Variants in MARVELD3 observed in about 807,000 individuals in gnomAD.
MARVELD3 encodes MARVEL domain containing 3, also known as MARVEL domain-containing protein 3.
Under a neutral mutation model 33.5 loss-of-function variants are expected in MARVELD3, and 28 were observed. The observed-to-expected ratio is 0.84, with a 90% CI of 0.62 to 1.15. The LOEUF is 1.15. MARVELD3 is among the 50% of genes most tolerant of loss of function. MARVELD3 has a pLI of 0.00. For missense variants in MARVELD3, 582 were observed against 547.6 expected, an observed-to-expected ratio of 1.06 and a Z score of -0.63; for synonymous variants, 241 against 230.4, an observed-to-expected ratio of 1.05 and a Z score of -0.42.
intron 2 of MARVELD3, among the ~76,000 whole-genome samples, chr16:71,631,890 C>T (rs530677619): frequency 1.3e-5 from 2 of 152,282 alleles, no homozygotes; most frequent in African/African-American, 2.4e-5. Context: ...TTCATTTAGA[C>T]AATGTGTAGC....
At chr16:71,640,494 G>A (rs201509244), downstream of MARVELD3, 77 of 1,614,140 alleles carry the variant, frequency 4.8e-5, no homozygotes, top group Admixed American at 4.0e-4. Context: ...TTCCAGCGGC[G>A]GTGGCTTTGG....
In MARVELD3 at chr16:71,626,706, G is replaced by C. The variant is rs1407141860; in HGVS notation, c.467+10G>C. ...GCCGCAGACCCGAAAGGTGAGAGGG[G>C]CCGGGGCGCTGCGACCTCCGCGCCG... On this transcript the variant is annotated intron_variant, in intron 1 of 2. Transcript: ENST00000268485. The surrounding 1 kb of genome is among the most constrained non-coding windows in gnomAD (Gnocchi z 5.3). 3 of 1,443,800 alleles carry C rather than the reference G, an allele frequency of 2.1e-6. No homozygotes were observed. Among genetic ancestry groups the C allele is most frequent in the Non-Finnish European group, 2.7e-6 (3 of 1,106,250 alleles). The allele number at this position is 1,443,800 out of a possible 1,614,324, so 89.4% of individuals were successfully genotyped here. A position where few individuals can be genotyped will look rare whatever the true frequency, so the allele number is the denominator to read the frequency against.
chr16:71,639,309 G>C (rs1230613615), downstream of MARVELD3: 1 of 151,878 alleles, frequency 6.6e-6, no homozygotes, highest in Non-Finnish European at 1.5e-5. Context: ...GACCTCAGGT[G>C]ATCTGCCCGC....
chr16:71,635,791 C>T lies in MARVELD3; in HGVS notation c.*988C>T, dbSNP rs979858958. 9.5e-5 allele frequency: 94 copies of T among 985,228 alleles called. No homozygotes were observed. In the African/African-American group the frequency reaches 1.6e-3, roughly 17 times the overall value. 61.0% of individuals were successfully genotyped at this position (985,228 alleles called of 1,614,324 possible). On this transcript the variant is annotated 3_prime_UTR_variant, in exon 3 of 3. Transcript: ENST00000268485. ...GGAGGGGGTGGGGACTCTTGGGAAA[C>T]TACTCCTGTAAAATTGAAGTTGGAG...
chr16:71,640,219 A>G (rs2044607060), downstream of MARVELD3, among the ~76,000 whole-genome samples: 1 of 151,800 alleles, frequency 6.6e-6, no homozygotes, highest in African/African-American at 2.4e-5. Flanking sequence ...CAGTGAGCCA[A>G]TCACACCATT....
At chr16:71,630,152 C>G (rs2044519074) in intron 2 of MARVELD3, among the ~76,000 whole-genome samples, 1 of 150,210 alleles carries the variant, frequency 6.7e-6, no homozygotes, top group Non-Finnish European at 1.5e-5. Context: ...TCTGGGAGGT[C>G]AAGGTGGGTG....
At chr16:71,640,302 T>A, downstream of MARVELD3, 2 of 1,403,736 alleles carry the variant, frequency 1.4e-6, no homozygotes, top group Non-Finnish European at 1.9e-6. Flanking sequence ...ATCAACCACG[T>A]CCTTAAAATC....
downstream of MARVELD3, chr16:71,641,316 G>A: frequency 2.9e-6 from 1 of 340,654 alleles, no homozygotes; most frequent in Non-Finnish European, 5.5e-6. Flanking sequence ...CGCCGGGCAT[G>A]GTGGCTCACG....
chr16:71,636,233 C>T lies in MARVELD3; in HGVS notation c.*1430C>T, dbSNP rs1210002627. On this transcript the variant is annotated 3_prime_UTR_variant, in exon 3 of 3. Coordinates refer to ENST00000268485, the MANE Select transcript of MARVELD3 (RefSeq NM_052858.6). ...TGGAGTTGATGTCCTCTTTACAATA[C>T]ATTTATAATATTCTCTTAAATACAG... 7 of 793,508 alleles carry T rather than the reference C, an allele frequency of 8.8e-6. No homozygotes were observed. The highest frequency in any genetic ancestry group is 2.5e-4 in the East Asian group (2 of 8,064). The allele number at this position is 793,508 out of a possible 1,614,324, so 49.2% of individuals were successfully genotyped here.
At position 71,626,883 on chromosome 16, in the gene MARVELD3, CGTGGCCT is replaced by C; in HGVS notation, c.467+189_467+195del. Reference sequence around the variant, plus strand: ...GGAAAACTTTAGGGTTCCCCCTTCTCGTGGCCTGAACCCAACTAACAAAGCAAAAACC... The same window carrying C: ...GGAAAACTTTAGGGTTCCCCCTTCTCGAACCCAACTAACAAAGCAAAAACC... On this transcript the variant is annotated intron_variant, in intron 1 of 2. Coordinates refer to ENST00000268485, the MANE Select transcript of MARVELD3 (RefSeq NM_052858.6). The surrounding 1 kb of genome is among the most constrained non-coding windows in gnomAD (Gnocchi z 5.3). 1.9e-6 allele frequency: 1 copy of C among 537,272 alleles called. No individual in the cohort carries two copies. The highest frequency in any genetic ancestry group is 3.1e-6 in the Non-Finnish European group (1 of 326,140). 33.3% of individuals were successfully genotyped at this position (537,272 alleles called of 1,614,324 possible).
At chr16:71,631,468 G>C (rs977278092) in intron 2 of MARVELD3, among the ~76,000 whole-genome samples, 2 of 149,920 alleles carry the variant, frequency 1.3e-5, no homozygotes, top group African/African-American at 4.9e-5. Flanking sequence ...TTTTTTTTGA[G>C]AGTCTTGCTC....
chr16:71,630,785 C>G (rs963060902), intron 2 of MARVELD3, among the ~76,000 whole-genome samples: 38 of 151,990 alleles, frequency 2.5e-4, no homozygotes, highest in African/African-American at 8.7e-4. Context: ...CTATTATATA[C>G]CAAATATTCT....
chr16:71,640,874 A>T (rs1234382112), downstream of MARVELD3: 1 of 1,614,202 alleles, frequency 6.2e-7, no homozygotes, highest in Non-Finnish European at 8.5e-7. Context: ...ACGGAGCAGC[A>T]GCCACCTTTG....
chr16:71,638,357 C>A (rs1226953949), downstream of MARVELD3: 2 of 152,386 alleles, frequency 1.3e-5, no homozygotes, highest in East Asian at 3.8e-4. Flanking sequence ...AATGTGGCTC[C>A]TCTTGTAGGA....
chr16:71,627,965 C>T (rs562651805), intron 1 of MARVELD3, among the ~76,000 whole-genome samples: 3 of 152,198 alleles, frequency 2.0e-5, no homozygotes, highest in Non-Finnish European at 4.4e-5. Context: ...GTTTTTGACA[C>T]CTGGCCTCTC....
At chr16:71,640,400 G>T, downstream of MARVELD3, 1 of 1,614,136 alleles carries the variant, frequency 6.2e-7, no homozygotes, top group Non-Finnish European at 8.5e-7. Flanking sequence ...GTGTGGTGCA[G>T]ATAGTGGAGG....
chr16:71,626,485 GACCGAGGCCCCC>G lies in MARVELD3; in HGVS notation c.257_268del (p.Asp86_Arg90delinsGly), dbSNP rs1567602832. 4 of 1,549,542 alleles carry G rather than the reference GACCGAGGCCCCC, an allele frequency of 2.6e-6. No individual in the cohort carries two copies. In the African/African-American group the frequency reaches 4.1e-5, roughly 16 times the overall value. ...GGAGAGAGAGAGGGAAAGAGACCCG[GACCGAGGCCCCC>G]GCCGGGACACACACAGGGACGCGGG... is the stretch of plus-strand genomic sequence containing the variant. On this transcript the variant is annotated inframe_deletion, in exon 1 of 3. Transcript: ENST00000268485. The surrounding 1 kb of genome is among the most constrained non-coding windows in gnomAD (Gnocchi z 5.3).
chr16:71,634,245 C>G lies in MARVELD3; in HGVS notation c.648C>G (p.Ser216Arg), dbSNP rs779788723. 3 of 1,613,724 alleles carry G rather than the reference C, an allele frequency of 1.9e-6. No homozygotes were observed. The African/African-American group carries it at 4.0e-5, about 22-fold the overall frequency. Residue 216 changes from serine (S) to arginine (R), a missense_variant, in exon 3 of 3, where the codon AGC (serine) becomes AGG (arginine). Coordinates refer to ENST00000268485, the MANE Select transcript of MARVELD3 (RefSeq NM_052858.6). The part of the protein sequence containing the change: ...VLLNLLILAC[S>R]SVSYSSTGGY... ...TGAACTTGCTGATCCTGGCCTGCAG[C>G]TCTGTGTCTTACAGTTCCACAGGGG...
Position 71,629,371 on chromosome 16 carries a change from C to T in MARVELD3, c.472C>T (p.Pro158Ser), listed in dbSNP as rs1463193648. Reference protein sequence around the residue: ...DPGRRRPESEPPSERYLPSTP... With the variant: ...DPGRRRPESESPSERYLPSTP... ...ATGTATGCTTTTTGGTTATAGTGAA[C>T]CCCCTTCGGAGAGATATCTGCCCTC... The change falls in exon 2 of 3, where the codon CCC becomes TCC. Residue 158 changes from proline to serine, a missense_variant. By Grantham distance (74) the Pro-to-Ser change is moderately conservative. Coordinates refer to ENST00000268485, the MANE Select transcript of MARVELD3 (RefSeq NM_052858.6). The T allele has an allele frequency of 3.2e-6, 5 of 1,544,440 alleles. No homozygotes were observed.
Sources: allele counts gnomAD v4.1 joint callset (sites outside exome capture counted in the v4.1 genomes callset), GRCh38; gene constraint gnomAD v4.1.1; non-coding constraint Gnocchi (gnomAD v3.1); transcripts MANE v1.5; gene names NCBI Gene and HGNC (gene_info 2026-07-23, HGNC 2026-07-21).